Variants in GRIN2A observed in about 807,000 individuals in gnomAD.
GRIN2A encodes glutamate ionotropic receptor NMDA type subunit 2A.
A neutral mutation model predicts 113.4 loss-of-function variants in GRIN2A; 22 were observed. The observed-to-expected ratio is 0.19, with a 90% CI of 0.14 to 0.28. The LOEUF (loss-of-function observed/expected upper bound fraction) is 0.28. GRIN2A is among the 10% of genes least tolerant of loss of function. The pLI, the probability that GRIN2A is intolerant of heterozygous loss-of-function variation, is 1.00. For synonymous variants in GRIN2A, 827 were observed against 738.4 expected (o/e 1.12, Z -1.94); for missense variants, 1,502 against 1,887.0 (o/e 0.80, Z 3.78).
At chr16:9,814,572 A>T (rs1393581564) in intron 10 of GRIN2A, among the ~76,000 whole-genome samples, 1 of 152,172 alleles carries the variant, frequency 6.6e-6, no homozygotes, top group Non-Finnish European at 1.5e-5. Context: ...ACATTTTGCC[A>T]CATCTCCACC....
chr16:10,078,848 T>C (rs2352741), intron 2 of GRIN2A, among the ~76,000 whole-genome samples: 127,002 of 151,860 alleles, frequency 0.84, 54,064 homozygotes, highest in East Asian at 1. Context: ...AAAGGGAGCA[T>C]GCTGACTGAC....
At position 9,849,818 on chromosome 16, in the gene GRIN2A, T is replaced by C. The variant is rs755485940; in HGVS notation, c.1266A>G (p.Ile422Met). The change falls in exon 5 of 13, where the codon ATA becomes ATG. Residue 422 changes from isoleucine (I) to methionine (M), a missense_variant. This residue lies in a region of GRIN2A where 334 missense variants were observed against 403.0 expected (regional missense o/e 0.83). Transcript: ENST00000330684. The stretch of plus-strand genomic sequence containing the variant: ...TCACACACGTCTCGGTCAGGGGGTC[T>C]ATGTCTTCCACGATGACGAATGGGG... ...EEAPFVIVED[I>M]DPLTETCVRN... 1 of 1,614,062 alleles carries C rather than the reference T, an allele frequency of 6.2e-7. No homozygotes were observed. Among genetic ancestry groups the C allele is most frequent in the Non-Finnish European group, 8.5e-7 (1 of 1,179,962 alleles).
intron 2 of GRIN2A, among the ~76,000 whole-genome samples, chr16:10,007,873 A>C (rs767479822): frequency 5.9e-5 from 9 of 152,114 alleles, no homozygotes; most frequent in Non-Finnish European, 1.2e-4. Flanking sequence ...AGGACTTTAG[A>C]ATGGAAGGTC....
At chr16:9,947,015 T>C (rs1027930496) in intron 2 of GRIN2A, among the ~76,000 whole-genome samples, 2 of 152,234 alleles carry the variant, frequency 1.3e-5, no homozygotes, top group African/African-American at 4.8e-5. Context: ...AATCAAAGAT[T>C]ACTGATGCCA....
intron 4 of GRIN2A, among the ~76,000 whole-genome samples, chr16:9,872,740 A>AGGACAGATG (rs1183958714): frequency 2.6e-5 from 4 of 152,162 alleles, no homozygotes; most frequent in Admixed American, 2.6e-4. Flanking sequence ...GACAAATACT[A>AGGACAGATG]GGACAGATGT....
chr16:10,078,383 C>G (rs1338208690), intron 2 of GRIN2A, among the ~76,000 whole-genome samples: 1 of 152,018 alleles, frequency 6.6e-6, no homozygotes, highest in Admixed American at 6.6e-5. Context: ...CAAAGTGAGA[C>G]TCAGGAGCCA....
chr16:10,135,186 C>T lies in GRIN2A; in HGVS notation c.414+44812G>A, dbSNP rs542292348. On this transcript the variant is annotated intron_variant, in intron 2 of 12. Coordinates refer to ENST00000330684, the MANE Select transcript of GRIN2A (RefSeq NM_001134407.3). ...CATTGCTTGCAAGTTCAGATTTCCACACAACTGTAGCATATAATTCAGATA... is the reference window on the plus strand; with the variant it reads ...CATTGCTTGCAAGTTCAGATTTCCATACAACTGTAGCATATAATTCAGATA... 8.5e-4 allele frequency among the ~76,000 whole-genome samples: 130 copies of T among 152,344 alleles called. 2 individuals carry two copies. Among genetic ancestry groups the T allele is most frequent in the African/African-American group, 3.0e-3 (123 of 41,584 alleles).
At chr16:9,769,323 T>C (rs1901112301) in intron 11 of GRIN2A, 1 of 257,144 alleles carries the variant, frequency 3.9e-6, no homozygotes, top group Non-Finnish European at 7.4e-6. Context: ...ATAGAGAATA[T>C]AATATATATA....
At chr16:10,006,871 A>G (rs2046412938) in intron 2 of GRIN2A, among the ~76,000 whole-genome samples, 1 of 152,202 alleles carries the variant, frequency 6.6e-6, no homozygotes, top group South Asian at 2.1e-4. Flanking sequence ...CAAAGAAGTA[A>G]AAAACATGCA....
intron 2 of GRIN2A, among the ~76,000 whole-genome samples, chr16:10,051,636 C>T (rs976233190): frequency 2.6e-5 from 4 of 152,200 alleles, no homozygotes; most frequent in South Asian, 2.1e-4. Flanking sequence ...TGAATATTGC[C>T]GAATTCACAC....
chr16:10,036,766 T>C (rs35050547), intron 2 of GRIN2A, among the ~76,000 whole-genome samples: 13,616 of 152,058 alleles, frequency 0.09, 668 homozygotes, highest in South Asian at 0.13. Flanking sequence ...TTTTTAAGAT[T>C]GTATGCATCT....
chr16:9,803,591 A>G (rs1238523822), intron 10 of GRIN2A, among the ~76,000 whole-genome samples: 2 of 152,222 alleles, frequency 1.3e-5, no homozygotes, highest in African/African-American at 4.8e-5. Context: ...GGGGCTCACC[A>G]ATTTTATGGA....
chr16:9,847,454 A>G (rs532918023), intron 5 of GRIN2A, among the ~76,000 whole-genome samples: 27 of 152,142 alleles, frequency 1.8e-4, no homozygotes, highest in Admixed American at 4.6e-4. Flanking sequence ...AGTCTCAGCT[A>G]TTCAGGAGGT....
chr16:10,078,670 C>G (rs1235183226), intron 2 of GRIN2A, among the ~76,000 whole-genome samples: 4 of 152,132 alleles, frequency 2.6e-5, no homozygotes, highest in African/African-American at 7.2e-5. Flanking sequence ...GAGGCAACCT[C>G]GAGGCTGGGA....
At chr16:10,111,314 C>T (rs2048608059) in intron 2 of GRIN2A, 1 of 383,526 alleles carries the variant, frequency 2.6e-6, no homozygotes, top group Non-Finnish European at 5.0e-6. Flanking sequence ...CCCACAGCGT[C>T]AGCAGCAGCG....
At chr16:10,030,825 G>C (rs139220292) in intron 2 of GRIN2A, among the ~76,000 whole-genome samples, 3 of 152,258 alleles carry the variant, frequency 2.0e-5, no homozygotes, top group Non-Finnish European at 2.9e-5. Context: ...ACTATTTAAG[G>C]CTTCAGAGAT....
intron 2 of GRIN2A, among the ~76,000 whole-genome samples, chr16:10,078,048 C>A (rs2047910381): frequency 6.6e-6 from 1 of 152,184 alleles, no homozygotes; most frequent in Admixed American, 6.6e-5. Flanking sequence ...GGGCTGAATA[C>A]CATTGTGGTG....
chr16:10,136,272 A>G (rs1388295875), intron 2 of GRIN2A, among the ~76,000 whole-genome samples: 1 of 152,054 alleles, frequency 6.6e-6, no homozygotes, highest in East Asian at 1.9e-4. Context: ...CACACACGCA[A>G]TATCATCCCA....
At chr16:10,055,046 TCAAAAAAAAAAAAAAAAAAAAAAA>T (rs2047423326) in intron 2 of GRIN2A, among the ~76,000 whole-genome samples, 2 of 12,492 alleles carry the variant, frequency 1.6e-4, no homozygotes, top group African/African-American at 3.2e-4. Context: ...AGACTCTATC[TCAAAAAAAAAAAAAAAAAAAAAAA>T]AAAAAAAAAA....
Sources: allele counts gnomAD v4.1 joint callset (sites outside exome capture counted in the v4.1 genomes callset), GRCh38; gene constraint gnomAD v4.1.1; regional missense constraint gnomAD v4.1.1; transcripts MANE v1.5; gene names NCBI Gene and HGNC (gene_info 2026-07-23, HGNC 2026-07-21).